KLHL14: variants seen among roughly 807,000 people sequenced by gnomAD.
KLHL14 encodes kelch like family member 14.
KLHL14 carries 22 observed loss-of-function variants against 64.3 expected under a neutral mutation model. The ratio of observed to expected loss-of-function variants is 0.34; its 90% CI spans 0.24 to 0.49. The LOEUF (loss-of-function observed/expected upper bound fraction) is 0.49, where lower values mean the gene tolerates loss of function less well. Among genes scored for constraint, KLHL14 ranks in the 20% least tolerant of loss-of-function variants. KLHL14 has a pLI of 0.99. For missense variants in KLHL14, 661 were observed against 789.0 expected (o/e 0.84, Z 1.94); for synonymous variants, 322 against 333.4 (o/e 0.97, Z 0.37).
intron 2 of KLHL14, among the ~76,000 whole-genome samples, chr18:32,762,575 C>T (rs2050320245): frequency 6.6e-6 from 1 of 151,972 alleles, no homozygotes; most frequent in Non-Finnish European, 1.5e-5. Flanking sequence ...AGTTCTAATC[C>T]TATTTGCATT....
rs2050064419 is a variant in KLHL14, at chr18:32,719,400, G to A, written c.1069+22528C>T. Reference sequence around the variant, plus strand: ...CTGTGTCTATATCTTGTAAGTTCACGAATGAGTCAAAGATGAGGATGAATT... The same window carrying A: ...CTGTGTCTATATCTTGTAAGTTCACAAATGAGTCAAAGATGAGGATGAATT... On this transcript the variant is annotated intron_variant, in intron 3 of 8. Coordinates refer to ENST00000359358, the MANE Select transcript of KLHL14 (RefSeq NM_020805.3). Among the ~76,000 whole-genome samples, 2 of 152,152 alleles carry A rather than the reference G, an allele frequency of 1.3e-5. 1 individual carries two copies. The highest frequency in any genetic ancestry group is 4.1e-4 in the South Asian group (2 of 4,828).
chr18:32,680,157 CA>C lies in KLHL14; in HGVS notation c.1588+11del, dbSNP rs760510683. The C allele has an allele frequency of 1.2e-5, 20 of 1,609,136 alleles. No individual in the cohort carries two copies. The highest frequency in any genetic ancestry group is 3.4e-5 in the Admixed American group (2 of 59,642). The stretch of plus-strand genomic sequence containing the variant: ...TTATTGTGACTAAAAAACAAAACAA[CA>C]AAAAAAAGACCTTTCAAATGATTTC... On this transcript the variant is annotated intron_variant, in intron 7 of 8. Transcript: ENST00000359358. The surrounding 1 kb of genome is among the most constrained non-coding windows in gnomAD (Gnocchi z 4.8).
chr18:32,770,645 G>A lies in KLHL14; in HGVS notation c.-43-11C>T. 1 of 1,478,696 alleles carries A rather than the reference G, an allele frequency of 6.8e-7. No individual in the cohort carries two copies. Among genetic ancestry groups the A allele is most frequent in the South Asian group, 1.4e-5 (1 of 70,904 alleles). 91.6% of individuals were successfully genotyped at this position (1,478,696 alleles called of 1,614,324 possible). ...AAACCCTCCTCCAACCTGGCAGACA[G>A]GGGTGGGGGATGGGAGGGAGGGGAG... On this transcript the variant is annotated splice_polypyrimidine_tract_variant and intron_variant, in intron 1 of 8. Coordinates refer to ENST00000359358, the MANE Select transcript of KLHL14 (RefSeq NM_020805.3). The surrounding 1 kb of genome is among the most constrained non-coding windows in gnomAD (Gnocchi z 6.7).
chr18:32,695,542 G>T lies in KLHL14; in HGVS notation c.1080C>A (p.Tyr360Ter). Residue 360 changes from tyrosine (Y) to a stop codon, truncating the protein, a stop_gained, in exon 4 of 9, where the codon TAC becomes TAA. Transcript: ENST00000359358. LOFTEE classifies it high-confidence loss of function. ...CCACAACGCAGTGGTGGGCACTGTT[G>T]TATGGCATAACTGAAATTAAGAAAA... ...KTWKILTIMP[Y>*]NSAHHCVVEV... The T allele has an allele frequency of 1.3e-6, 2 of 1,593,846 alleles. No homozygotes were observed. Among genetic ancestry groups the T allele is most frequent in the Non-Finnish European group, 1.7e-6 (2 of 1,164,052 alleles).
In KLHL14 at chr18:32,770,501, G is replaced by T; in HGVS notation, c.91C>A (p.Leu31Met). Residue 31 changes from leucine (L) to methionine (M), a missense_variant, in exon 2 of 9, where the codon CTG becomes ATG. This residue lies in a region of KLHL14 where 331 missense variants were observed against 339.0 expected (regional missense o/e 0.98). Transcript: ENST00000359358. The surrounding 1 kb of genome is among the most constrained non-coding windows in gnomAD (Gnocchi z 6.7). ...HGLNLLWRKQLFCDVTLTAQG... is the reference protein window; with the variant it reads ...HGLNLLWRKQMFCDVTLTAQG... ...GCCGTCAGGGTCACGTCGCAAAACA[G>T]CTGCTTCCTCCACAGCAGGTTGAGG... is the stretch of plus-strand genomic sequence containing the variant. 1 of 1,611,668 alleles carries T rather than the reference G, an allele frequency of 6.2e-7. No homozygotes were observed.
chr18:32,747,063 T>C (rs1017884189), intron 2 of KLHL14, among the ~76,000 whole-genome samples: 2 of 152,242 alleles, frequency 1.3e-5, no homozygotes, highest in African/African-American at 4.8e-5. Context: ...TATTATTATC[T>C]ATTTGGAAAT....
chr18:32,738,925 A>T (rs980462485), intron 3 of KLHL14, among the ~76,000 whole-genome samples: 8 of 152,112 alleles, frequency 5.3e-5, no homozygotes, highest in Non-Finnish European at 8.8e-5. Context: ...TTCTTCTGTG[A>T]TATAAGGTGT....
intron 2 of KLHL14, among the ~76,000 whole-genome samples, chr18:32,757,058 T>C (rs1212725441): frequency 6.6e-6 from 1 of 152,234 alleles, no homozygotes; most frequent in Non-Finnish European, 1.5e-5. Context: ...TTCTTTCTTA[T>C]GTATCAAAGA....
chr18:32,702,964 G>C (rs1209145798), intron 3 of KLHL14, among the ~76,000 whole-genome samples: 1 of 152,186 alleles, frequency 6.6e-6, no homozygotes, highest in Non-Finnish European at 1.5e-5. Flanking sequence ...GTCTCTCATA[G>C]TTCAAAACTG....
chr18:32,761,838 T>A (rs2144189146), intron 2 of KLHL14, among the ~76,000 whole-genome samples: 1 of 152,314 alleles, frequency 6.6e-6, no homozygotes, highest in South Asian at 2.1e-4. Context: ...TTCTGATTAG[T>A]AGTAAATTGC....
At position 32,716,806 on chromosome 18, in the gene KLHL14, T is replaced by C. The variant is rs546387690; in HGVS notation, c.1070-21254A>G. On this transcript the variant is annotated intron_variant, in intron 3 of 8. Transcript: ENST00000359358. Reference sequence around the variant, plus strand: ...AATTGATTATTTTCCTTTTCATTGTTTTATACCTAGTTTATATTTTTATTT... The same window carrying C: ...AATTGATTATTTTCCTTTTCATTGTCTTATACCTAGTTTATATTTTTATTT... 3.3e-5 allele frequency among the ~76,000 whole-genome samples: 5 copies of C among 152,244 alleles called. No homozygotes were observed. The South Asian group carries it at 6.2e-4, about 19-fold the overall frequency.
chr18:32,694,881 G>T (rs955536234), intron 4 of KLHL14, among the ~76,000 whole-genome samples: 1 of 152,106 alleles, frequency 6.6e-6, no homozygotes, highest in Non-Finnish European at 1.5e-5. Flanking sequence ...TGGGACGTGC[G>T]TTAAAATGTT....
rs768577181 is a variant in KLHL14, at chr18:32,770,428, G to A, written c.164C>T (p.Ser55Leu). 1 of 1,610,492 alleles carries A rather than the reference G, an allele frequency of 6.2e-7. No homozygotes were observed. The highest frequency in any genetic ancestry group is 8.5e-7 in the Non-Finnish European group (1 of 1,178,562). ...HCHKAVLASC[S>L]QYFRSLFSSH... is the part of the protein sequence containing the mutation. ...GGAGAAGAGCGATCGGAAGTACTGC[G>A]AGCAGGAGGCCAGCACGGCCTTGTG... The change falls in exon 2 of 9, where the codon TCG becomes TTG. Residue 55 changes from serine (S) to leucine (L), a missense_variant. Around this residue, in one of 2 missense-constraint regions of KLHL14, gnomAD observed 331 missense variants for 339.0 expected, o/e 0.98. Coordinates refer to ENST00000359358, the MANE Select transcript of KLHL14 (RefSeq NM_020805.3). The surrounding 1 kb of genome is among the most constrained non-coding windows in gnomAD (Gnocchi z 6.7).
At chr18:32,723,209 G>T (rs763559093) in intron 3 of KLHL14, among the ~76,000 whole-genome samples, 3 of 152,102 alleles carry the variant, frequency 2.0e-5, no homozygotes, top group Non-Finnish European at 4.4e-5. Context: ...CATTTCCAAA[G>T]AACCAAAAAT....
At chr18:32,751,513 A>C (rs2050251675) in intron 2 of KLHL14, among the ~76,000 whole-genome samples, 1 of 152,078 alleles carries the variant, frequency 6.6e-6, no homozygotes, top group Admixed American at 6.6e-5. Flanking sequence ...CACAAGAAAC[A>C]TCTCCAGGGT....
At chr18:32,688,566 T>G (rs749480704) in intron 4 of KLHL14, among the ~76,000 whole-genome samples, 4 of 152,188 alleles carry the variant, frequency 2.6e-5, no homozygotes, top group Non-Finnish European at 5.9e-5. Flanking sequence ...CATGCAAATA[T>G]CTGCAGAATG....
intron 3 of KLHL14, among the ~76,000 whole-genome samples, chr18:32,705,309 T>C (rs2049984709): frequency 6.6e-6 from 1 of 152,218 alleles, no homozygotes; most frequent in African/African-American, 2.4e-5. Flanking sequence ...AAATGATAAA[T>C]GTTTGAGATG....
At chr18:32,704,935 A>T (rs2049983119) in intron 3 of KLHL14, among the ~76,000 whole-genome samples, 1 of 152,206 alleles carries the variant, frequency 6.6e-6, no homozygotes, top group Non-Finnish European at 1.5e-5. Flanking sequence ...GAAGAGCAAT[A>T]GATGCTCCAG....
rs573874388 is a variant in KLHL14 at position 32,769,962 on chromosome 18, C to T, written c.630G>A (p.Val210=). 1.9e-4 allele frequency: 308 copies of T among 1,614,224 alleles called. 1 individual carries two copies. The South Asian group carries it at 2.4e-3, about 13-fold the overall frequency. Residue 210 remains valine (V), a synonymous_variant, in exon 2 of 9, where the codon GTG becomes GTA. Transcript: ENST00000359358. ...ETKKLANKYL[V]EDVLLLNFEE... ...CGAAGTTGAGCAGCAGCACATCCTCCACCAGGTACTTGTTGGCCAGCTTCT... is the reference window on the plus strand; with the variant it reads ...CGAAGTTGAGCAGCAGCACATCCTCTACCAGGTACTTGTTGGCCAGCTTCT...
Sources: allele counts gnomAD v4.1 joint callset (sites outside exome capture counted in the v4.1 genomes callset), GRCh38; gene constraint gnomAD v4.1.1; regional missense constraint gnomAD v4.1.1; non-coding constraint Gnocchi (gnomAD v3.1); transcripts MANE v1.5; gene names NCBI Gene and HGNC (gene_info 2026-07-23, HGNC 2026-07-21).